The following GRIK2 variants were observed in gnomAD, a reference collection of about 807,000 sequenced individuals.
The protein encoded by GRIK2 is glutamate ionotropic receptor kainate type subunit 2, also known as glutamate receptor ionotropic, kainate 2.
Under a neutral mutation model 100.3 loss-of-function variants are expected in GRIK2, and 32 were observed. The observed-to-expected ratio is 0.32, with a 90% CI of 0.24 to 0.43. The LOEUF (loss-of-function observed/expected upper bound fraction) is 0.43. GRIK2 is among the 20% of genes least tolerant of loss of function. The pLI, the probability that GRIK2 is intolerant of heterozygous loss-of-function variation, is 1.00. For synonymous variants in GRIK2, 417 were observed against 389.4 expected (o/e 1.07, Z -0.83); for missense variants, 843 against 1,114.9 (o/e 0.76, Z 3.47).
rs191781658 is a variant in GRIK2 at position 101,683,776 on chromosome 6, T to C, written c.777+1170T>C. On this transcript the variant is annotated intron_variant, in intron 6 of 16. Transcript: ENST00000369134. Reference sequence around the variant, plus strand: ...TGTGCCATTAGATAATTTCGAAATATTTAAACTTTAGTGTCCTCTGAATTG... The same window carrying C: ...TGTGCCATTAGATAATTTCGAAATACTTAAACTTTAGTGTCCTCTGAATTG... Among the ~76,000 whole-genome samples, 9 of 152,342 alleles carry C rather than the reference T, an allele frequency of 5.9e-5. No homozygotes were observed. The East Asian group carries it at 1.5e-3, about 26-fold the overall frequency.
intron 2 of GRIK2, among the ~76,000 whole-genome samples, chr6:101,611,193 A>C (rs998481543): frequency 6.6e-6 from 1 of 151,892 alleles, no homozygotes; most frequent in African/African-American, 2.4e-5. Flanking sequence ...TTTTAAAATA[A>C]GAAAGCACAT....
chr6:101,564,476 C>G (rs1331513009), intron 2 of GRIK2, among the ~76,000 whole-genome samples: 2 of 152,142 alleles, frequency 1.3e-5, no homozygotes, highest in Non-Finnish European at 2.9e-5. Context: ...ATCTCAAGAG[C>G]CAGATGCCCA....
At chr6:101,409,578 G>T (rs1046854826) in intron 2 of GRIK2, among the ~76,000 whole-genome samples, 3 of 152,010 alleles carry the variant, frequency 2.0e-5, no homozygotes, top group African/African-American at 7.2e-5. Context: ...ATGTTAGACC[G>T]TGAATTTAGT....
At chr6:101,549,830 A>G (rs1306680023) in intron 2 of GRIK2, among the ~76,000 whole-genome samples, 3 of 152,196 alleles carry the variant, frequency 2.0e-5, no homozygotes, top group Non-Finnish European at 2.9e-5. Context: ...AATTCTCACA[A>G]CAATCCAGTG....
chr6:101,517,693 G>T (rs1382777795), intron 2 of GRIK2, among the ~76,000 whole-genome samples: 1 of 151,994 alleles, frequency 6.6e-6, no homozygotes, highest in Non-Finnish European at 1.5e-5. Flanking sequence ...TGACTTTTAG[G>T]CCTCTGCTTT....
chr6:101,400,496 G>C (rs1394980610), intron 2 of GRIK2, among the ~76,000 whole-genome samples: 1 of 152,218 alleles, frequency 6.6e-6, no homozygotes, highest in African/African-American at 2.4e-5. Context: ...CACTTCCTCT[G>C]ACAGTTCAAG....
intron 16 of GRIK2, among the ~76,000 whole-genome samples, chr6:102,059,589 T>G (rs1771644035): frequency 6.6e-6 from 1 of 151,006 alleles, no homozygotes; most frequent in Non-Finnish European, 1.5e-5. Context: ...TATACTGAAT[T>G]TTGTTGTTTT....
At position 101,924,645 on chromosome 6, in the gene GRIK2, A is replaced by T; in HGVS notation, c.1793A>T (p.Asp598Val). 6.2e-7 allele frequency: 1 copy of T among 1,611,514 alleles called. No individual in the cohort carries two copies. The change falls in exon 13 of 17, where the codon GAC becomes GTC. Residue 598 changes from aspartate to valine, a missense_variant. Physicochemically the swap from Asp to Val is radical, Grantham distance 152 (BLOSUM62 -3). Transcript: ENST00000369134. ...TATAATCCACACCCTTGCAACCCTG[A>T]CTCAGACGTGGTGGAAAACAATTTT... ...EWYNPHPCNPDSDVVENNFTL... is the reference protein window; with the variant it reads ...EWYNPHPCNPVSDVVENNFTL...
intron 15 of GRIK2, among the ~76,000 whole-genome samples, chr6:102,045,914 C>T (rs1230867623): frequency 6.6e-6 from 1 of 151,962 alleles, no homozygotes; most frequent in African/African-American, 2.4e-5. Flanking sequence ...ACAGTGGCTG[C>T]ATGTATTTTT....
chr6:101,747,849 C>G (rs1333013531), intron 7 of GRIK2, among the ~76,000 whole-genome samples: 1 of 151,558 alleles, frequency 6.6e-6, no homozygotes, highest in Non-Finnish European at 1.5e-5. Context: ...AACTGCAAAA[C>G]AGACTTTATC....
intron 2 of GRIK2, among the ~76,000 whole-genome samples, chr6:101,594,839 T>G (rs1778834145): frequency 6.6e-6 from 1 of 151,754 alleles, no homozygotes; most frequent in South Asian, 2.1e-4. Context: ...GGCGGTGAAT[T>G]ACAGGGAATC....
intron 10 of GRIK2, among the ~76,000 whole-genome samples, chr6:101,826,290 G>C (rs1040178515): frequency 6.6e-6 from 1 of 152,060 alleles, no homozygotes; most frequent in Admixed American, 6.6e-5. Context: ...TTATAGGAAA[G>C]AGGAAAGAGA....
intron 14 of GRIK2, among the ~76,000 whole-genome samples, chr6:101,992,966 T>G (rs574804603): frequency 6.6e-6 from 1 of 151,582 alleles, no homozygotes; most frequent in African/African-American, 2.4e-5. Flanking sequence ...TGTGTGCACA[T>G]ATAATTGTAA....
At chr6:101,774,914 C>A (rs924359835) in intron 7 of GRIK2, among the ~76,000 whole-genome samples, 1 of 151,898 alleles carries the variant, frequency 6.6e-6, no homozygotes, top group Admixed American at 6.6e-5. Context: ...ATATACTATT[C>A]TTGGGAAAAA....
chr6:101,644,492 CAT>C (rs1781429043), intron 4 of GRIK2, among the ~76,000 whole-genome samples: 1 of 151,534 alleles, frequency 6.6e-6, no homozygotes, highest in Non-Finnish European at 1.5e-5. Flanking sequence ...AGCATATAAC[CAT>C]ATAAGACTAA....
chr6:101,830,971 G>A (rs1782640779), intron 10 of GRIK2, among the ~76,000 whole-genome samples: 2 of 151,826 alleles, frequency 1.3e-5, no homozygotes, highest in African/African-American at 2.4e-5. Context: ...AAAGAGGGAG[G>A]GAGAAAAAGA....
chr6:101,999,631 G>GA (rs1326327100), intron 14 of GRIK2, among the ~76,000 whole-genome samples: 10 of 151,362 alleles, frequency 6.6e-5, no homozygotes, highest in Admixed American at 4.0e-4. Flanking sequence ...GTTGTCTATG[G>GA]AAAAAAAAGG....
chr6:101,488,470 A>T (rs571528336), intron 2 of GRIK2, among the ~76,000 whole-genome samples: 2 of 147,056 alleles, frequency 1.4e-5, no homozygotes, highest in African/African-American at 5.2e-5. Context: ...TTTCATGTAA[A>T]AGGTGAAGAC....
intron 1 of GRIK2, among the ~76,000 whole-genome samples, chr6:101,394,532 C>G (rs576252827): frequency 6.6e-6 from 1 of 152,306 alleles, no homozygotes; most frequent in East Asian, 1.9e-4. Context: ...AGAAAACTTA[C>G]TATTAGTAGC....
Sources: allele counts gnomAD v4.1 joint callset (sites outside exome capture counted in the v4.1 genomes callset), GRCh38; gene constraint gnomAD v4.1.1; transcripts MANE v1.5; gene names NCBI Gene and HGNC (gene_info 2026-07-23, HGNC 2026-07-21).